RNF180: variants seen among roughly 807,000 people sequenced by gnomAD.
RNF180 encodes the protein E3 ubiquitin-protein ligase RNF180.
Under a neutral mutation model 59.2 loss-of-function variants are expected in RNF180, and 38 were observed. That is an observed-to-expected ratio of 0.64 (90% CI 0.50 to 0.84). The LOEUF (loss-of-function observed/expected upper bound fraction) is 0.84. RNF180 is among the 40% of genes least tolerant of loss of function. The pLI is 0.00. For missense variants in RNF180, 705 were observed against 700.9 expected (o/e 1.01, Z -0.07); for synonymous variants, 262 against 240.3 (o/e 1.09, Z -0.84).
intron 5 of RNF180, among the ~76,000 whole-genome samples, chr5:64,297,341 A>G (rs945115909): frequency 2.0e-5 from 3 of 152,080 alleles, no homozygotes; most frequent in Non-Finnish European, 4.4e-5. Flanking sequence ...GCCAAGGCCT[A>G]TATGTCCAGT....
intron 5 of RNF180, among the ~76,000 whole-genome samples, chr5:64,275,384 C>G (rs2112367451): frequency 6.8e-6 from 1 of 146,214 alleles, no homozygotes; most frequent in South Asian, 2.2e-4. Context: ...CCACATTAGT[C>G]CATAGTAGAA....
rs540033717 is a variant in RNF180, at chr5:64,272,448, A to G, written c.1228-52738A>G. Among the ~76,000 whole-genome samples the G allele has an allele frequency of 3.7e-4, 57 of 152,124 alleles. No individual in the cohort carries two copies. In the South Asian group the frequency reaches 4.8e-3, roughly 13 times the overall value. On this transcript the variant is annotated intron_variant, in intron 5 of 7. Transcript: ENST00000389100. ...ATGCTGAGGCTCAGAGGGCAATGGT[A>G]TGGGTGGTGAGAGATGAAATAGATG... is the stretch of plus-strand genomic sequence containing the variant.
chr5:64,330,180 T>G (rs1200016664), intron 6 of RNF180, 101 bp from the exon 7 acceptor site: 6 of 800,794 alleles, frequency 7.5e-6, no homozygotes, highest in South Asian at 1.8e-5. Context: ...AGGTGTGAAT[T>G]GTATCAAATA....
In RNF180 at chr5:64,355,907, A is replaced by G. The variant is rs187384770; in HGVS notation, c.1580-13708A>G. ...TCAATGACCTAAATATAAAATTTAA[A>G]AAACATAAATCTTGTAAAATAAAGA... On this transcript the variant is annotated intron_variant, in intron 7 of 7. Coordinates refer to ENST00000389100, the MANE Select transcript of RNF180 (RefSeq NM_001113561.2). Among the ~76,000 whole-genome samples, 448 of 152,040 alleles carry G rather than the reference A, an allele frequency of 2.9e-3. 2 individuals carry two copies. Among genetic ancestry groups the G allele is most frequent in the Non-Finnish European group, 3.7e-3 (253 of 67,902 alleles).
At chr5:64,198,971 C>A (rs1482041674) in intron 1 of RNF180, among the ~76,000 whole-genome samples, 6 of 152,124 alleles carry the variant, frequency 3.9e-5, no homozygotes, top group Non-Finnish European at 8.8e-5. Context: ...ATGTTGCCAC[C>A]ACACACGGCT....
intron 5 of RNF180, among the ~76,000 whole-genome samples, chr5:64,241,234 A>T (rs2112236638): frequency 6.6e-6 from 1 of 152,312 alleles, no homozygotes; most frequent in African/African-American, 2.4e-5. Flanking sequence ...CCCTTCCCAA[A>T]AAACAAAGAC....
intron 7 of RNF180, among the ~76,000 whole-genome samples, chr5:64,359,663 T>C (rs1449001092): frequency 6.6e-6 from 1 of 150,874 alleles, no homozygotes; most frequent in African/African-American, 2.4e-5. Flanking sequence ...GTCAATTTTG[T>C]CTTTTGTTGC....
chr5:64,204,021 A>G (rs1443634509), intron 2 of RNF180, among the ~76,000 whole-genome samples: 1 of 152,198 alleles, frequency 6.6e-6, no homozygotes, highest in East Asian at 1.9e-4. Context: ...ACAGTTAAAA[A>G]TAAGCCATAT....
intron 1 of RNF180, 140 bp downstream of exon 1, chr5:64,166,093 C>G (rs896417882): frequency 2.0e-5 from 3 of 152,278 alleles, no homozygotes; most frequent in African/African-American, 7.2e-5. Context: ...AGGGGCTGGG[C>G]TAGGGTTGCC....
chr5:64,300,148 C>T (rs912851009), intron 5 of RNF180, among the ~76,000 whole-genome samples: 22 of 151,458 alleles, frequency 1.5e-4, no homozygotes, highest in African/African-American at 5.1e-4. Flanking sequence ...TAAAGTGCTT[C>T]TTTTAAGTGA....
rs938616301 is a variant in RNF180 at position 64,359,800 on chromosome 5, A to G, written c.1580-9815A>G. On this transcript the variant is annotated intron_variant, in intron 7 of 7. Transcript: ENST00000389100. ...CGTTTAAGTCTTTAATCCATCTTGAATTGATTTTTGTATAAGGTGTAAGGA... is the reference window on the plus strand; with the variant it reads ...CGTTTAAGTCTTTAATCCATCTTGAGTTGATTTTTGTATAAGGTGTAAGGA... 1.1e-4 allele frequency among the ~76,000 whole-genome samples: 16 copies of G among 152,036 alleles called. 2 individuals carry two copies. The highest frequency in any genetic ancestry group is 3.9e-4 in the African/African-American group (16 of 41,524).
chr5:64,314,592 A>G (rs1334101569), intron 5 of RNF180, among the ~76,000 whole-genome samples: 1 of 152,100 alleles, frequency 6.6e-6, no homozygotes, highest in East Asian at 1.9e-4. Flanking sequence ...TTTTGTCTAC[A>G]TGGATTATAA....
intron 1 of RNF180, among the ~76,000 whole-genome samples, chr5:64,183,441 CTTTT>C (rs367772828): frequency 1.1e-5 from 1 of 89,912 alleles, no homozygotes; most frequent in South Asian, 3.8e-4. Context: ...GAAAGTATAC[CTTTT>C]TTTTTTTTTT....
chr5:64,319,603 T>G (rs1283111187), intron 5 of RNF180, among the ~76,000 whole-genome samples: 1 of 152,248 alleles, frequency 6.6e-6, no homozygotes, highest in Non-Finnish European at 1.5e-5. Context: ...CAAATGTTTT[T>G]CAAAGTCTAG....
chr5:64,262,314 CAGG>C (rs1744391130), intron 5 of RNF180, among the ~76,000 whole-genome samples: 1 of 152,122 alleles, frequency 6.6e-6, no homozygotes, highest in Non-Finnish European at 1.5e-5. Flanking sequence ...TTGGGGGAAT[CAGG>C]AGAATGACAA....
At chr5:64,319,344 G>T (rs1381117845) in intron 5 of RNF180, among the ~76,000 whole-genome samples, 3 of 152,028 alleles carry the variant, frequency 2.0e-5, no homozygotes, top group African/African-American at 7.2e-5. Flanking sequence ...AGACACCACT[G>T]GGAAAATTGG....
intron 7 of RNF180, among the ~76,000 whole-genome samples, chr5:64,357,678 A>G (rs1048937608): frequency 6.6e-6 from 1 of 151,788 alleles, no homozygotes; most frequent in Admixed American, 6.6e-5. Flanking sequence ...CAACCTACCA[A>G]AATTACAAAA....
intron 5 of RNF180, among the ~76,000 whole-genome samples, chr5:64,319,350 ATT>A (rs937522895): frequency 4.6e-5 from 7 of 152,174 alleles, no homozygotes; most frequent in African/African-American, 1.7e-4. Flanking sequence ...CACTGGGAAA[ATT>A]GGTAAAATTT....
intron 5 of RNF180, among the ~76,000 whole-genome samples, chr5:64,322,925 A>G (rs1175653618): frequency 2.0e-5 from 3 of 152,132 alleles, no homozygotes; most frequent in Non-Finnish European, 4.4e-5. Context: ...ACACATCACT[A>G]CTAAACAACT....
Sources: allele counts gnomAD v4.1 joint callset (sites outside exome capture counted in the v4.1 genomes callset), GRCh38; gene constraint gnomAD v4.1.1; transcripts MANE v1.5; gene names NCBI Gene and HGNC (gene_info 2026-07-23, HGNC 2026-07-21).